The following RABL6 variants were observed in gnomAD, a reference collection of about 807,000 sequenced individuals.
RABL6 encodes rab-like protein 6.
Under a neutral mutation model 72.9 loss-of-function variants are expected in RABL6, and 28 were observed. The observed-to-expected ratio is 0.38, with a 90% CI of 0.28 to 0.53. The LOEUF (loss-of-function observed/expected upper bound fraction) is 0.53, where lower values mean the gene tolerates loss of function less well. Among genes scored for constraint, RABL6 ranks in the 20% least tolerant of loss-of-function variants. The pLI is 0.80. For synonymous variants in RABL6, 477 were observed against 421.2 expected, an observed-to-expected ratio of 1.13 and a Z score of -1.62; for missense variants, 1,029 against 1,008.4, an observed-to-expected ratio of 1.02 and a Z score of -0.28.
chr9:136,823,174 C>A (rs1022188893), intron 1 of RABL6, among the ~76,000 whole-genome samples: 3 of 151,770 alleles, frequency 2.0e-5, no homozygotes, highest in African/African-American at 7.3e-5. Flanking sequence ...GAGAGCTCCT[C>A]AGGTGGTGGG....
intron 14 of RABL6, 23 bp from the exon 15 acceptor site, chr9:136,840,299 C>G (rs772019523): frequency 1.2e-6 from 2 of 1,605,396 alleles, no homozygotes; most frequent in Non-Finnish European, 1.7e-6. Context: ...GACTCCATGG[C>G]GCCCCATCCT....
In RABL6 at chr9:136,839,203, C is replaced by G. The variant is rs766993694; in HGVS notation, c.1494-19C>G. On this transcript the variant is annotated intron_variant, in intron 11 of 14. Transcript: ENST00000311502. Reference sequence around the variant, plus strand: ...ACGCCTCCAGAGGACCCTGACTGACCCTCTGCTTGTCCACAAAGGTCCTCC... The same window carrying G: ...ACGCCTCCAGAGGACCCTGACTGACGCTCTGCTTGTCCACAAAGGTCCTCC... 14 of 1,595,004 alleles carry G rather than the reference C, an allele frequency of 8.8e-6. No homozygotes were observed. The highest frequency in any genetic ancestry group is 1.2e-5 in the Non-Finnish European group (14 of 1,169,964).
In RABL6 at chr9:136,841,029, G is replaced by A; in HGVS notation, c.*507G>A. 1 of 1,431,104 alleles carries A rather than the reference G, an allele frequency of 7.0e-7. No individual in the cohort carries two copies. The highest frequency in any genetic ancestry group is 9.2e-7 in the Non-Finnish European group (1 of 1,090,700). 88.7% of individuals were successfully genotyped at this position (1,431,104 alleles called of 1,614,324 possible). On this transcript the variant is annotated 3_prime_UTR_variant, in exon 15 of 15. Coordinates refer to ENST00000311502, the MANE Select transcript of RABL6 (RefSeq NM_024718.5). The stretch of plus-strand genomic sequence containing the variant: ...AGGCCCCACGCTAGAAGGCTGGCGA[G>A]ACCGAAGGCAGCATGTGAGGCCTCT...
At chr9:136,833,951 A>G in intron 7 of RABL6, 1 of 1,546,798 alleles carries the variant, frequency 6.5e-7, no homozygotes, top group South Asian at 1.2e-5. Context: ...CAGCTGCTCC[A>G]TTCCCTAATG....
chr9:136,819,505 T>G (rs1258710111), intron 1 of RABL6, among the ~76,000 whole-genome samples: 1 of 152,190 alleles, frequency 6.6e-6, no homozygotes, highest in Non-Finnish European at 1.5e-5. Flanking sequence ...GAATTTTTTT[T>G]TCTTTAATTT....
intron 1 of RABL6, chr9:136,821,702 C>T (rs1848241298): frequency 9.8e-7 from 1 of 1,017,460 alleles, no homozygotes; most frequent in Non-Finnish European, 1.2e-6. Flanking sequence ...CTGCGCTGAG[C>T]GCCTGCGGCT....
chr9:136,825,632 G>A (rs898511507), intron 2 of RABL6, 147 bp from the exon 3 acceptor site: 3 of 836,978 alleles, frequency 3.6e-6, no homozygotes, highest in African/African-American at 3.3e-5. Flanking sequence ...GTCGTCTGGG[G>A]AGGACACATC....
chr9:136,821,790 T>G (rs1198048994), intron 1 of RABL6: 2 of 1,172,190 alleles, frequency 1.7e-6, no homozygotes, highest in Non-Finnish European at 2.1e-6. Context: ...GTTCTCCAAG[T>G]TCTCCGCGGG....
chr9:136,818,890 A>G (rs999150017), intron 1 of RABL6, among the ~76,000 whole-genome samples: 5 of 152,218 alleles, frequency 3.3e-5, no homozygotes, highest in African/African-American at 1.2e-4. Flanking sequence ...AGATCTCTAT[A>G]TTATTATTAA....
chr9:136,823,764 C>T lies in RABL6; in HGVS notation c.265+105C>T. On this transcript the variant is annotated intron_variant, in intron 2 of 14. Coordinates refer to ENST00000311502, the MANE Select transcript of RABL6 (RefSeq NM_024718.5). ...CCAGAGGGGGTCTCCCCGAAGAGTT[C>T]TTGTCTGTGAGGGACCCTGCTGACG... 2.9e-6 allele frequency: 4 copies of T among 1,396,030 alleles called. No individual in the cohort carries two copies. The South Asian group carries it at 6.2e-5, about 21-fold the overall frequency. The allele number at this position is 1,396,030 out of a possible 1,614,324, so 86.5% of individuals were successfully genotyped here.
intron 1 of RABL6, among the ~76,000 whole-genome samples, chr9:136,820,569 C>G (rs898677594): frequency 2.6e-5 from 4 of 152,248 alleles, no homozygotes; most frequent in East Asian, 1.9e-4. Context: ...CGGGGTTTCT[C>G]CATGTTGTCC....
chr9:136,821,442 C>G (rs1848234684), intron 1 of RABL6: 2 of 985,188 alleles, frequency 2.0e-6, no homozygotes, highest in Non-Finnish European at 2.4e-6. Context: ...CCGCTCAGGC[C>G]GTGGACCTCG....
intron 1 of RABL6, among the ~76,000 whole-genome samples, chr9:136,819,957 C>T (rs1379112091): frequency 6.6e-6 from 1 of 152,104 alleles, no homozygotes; most frequent in African/African-American, 2.4e-5. Flanking sequence ...AATCCTAGCA[C>T]TTTAGGAGGC....
chr9:136,819,396 C>T (rs1167804827), intron 1 of RABL6, among the ~76,000 whole-genome samples: 1 of 151,212 alleles, frequency 6.6e-6, no homozygotes, highest in African/African-American at 2.4e-5. Flanking sequence ...GGGGGAGGGG[C>T]AAGGGAACCA....
intron 10 of RABL6, among the ~76,000 whole-genome samples, chr9:136,838,621 G>C (rs1488795647): frequency 1.3e-5 from 2 of 152,254 alleles, no homozygotes; most frequent in East Asian, 3.8e-4. Flanking sequence ...AAGCCCCGTG[G>C]CCCTGAGCTG....
chr9:136,817,138 A>T (rs1286082604), intron 1 of RABL6, among the ~76,000 whole-genome samples: 1 of 151,102 alleles, frequency 6.6e-6, no homozygotes, highest in African/African-American at 2.5e-5. Flanking sequence ...TAAATCAGTC[A>T]GCAGCAGGAG....
At chr9:136,813,973 A>C in intron 1 of RABL6, 1 of 388,336 alleles carries the variant, frequency 2.6e-6, no homozygotes, top group Non-Finnish European at 5.1e-6. Context: ...ATTTGTAGCC[A>C]AAAGTATTCT....
chr9:136,807,974 C>G lies in RABL6; in HGVS notation c.-223C>G, dbSNP rs1457068782. Reference sequence around the variant, plus strand: ...GATGGCGGCGCTGACTCCTGGAGAGCGGTCGCGCCGGAGGCCGCGGGGGCC... The same window carrying G: ...GATGGCGGCGCTGACTCCTGGAGAGGGGTCGCGCCGGAGGCCGCGGGGGCC... On this transcript the variant is annotated 5_prime_UTR_variant, in exon 1 of 15. Transcript: ENST00000311502. 4.0e-6 allele frequency: 4 copies of G among 1,003,768 alleles called. No homozygotes were observed. Among genetic ancestry groups the G allele is most frequent in the South Asian group, 9.3e-5 (2 of 21,518 alleles). The allele number at this position is 1,003,768 out of a possible 1,614,324, so 62.2% of individuals were successfully genotyped here. A position where few individuals can be genotyped will look rare whatever the true frequency, so the allele number is the denominator to read the frequency against.
At position 136,839,447 on chromosome 9, in the gene RABL6, C is replaced by T. The variant is rs537630641; in HGVS notation, c.1719C>T (p.Pro573=). The T allele has an allele frequency of 3.7e-5, 59 of 1,612,478 alleles. 2 individuals carry two copies. Among genetic ancestry groups the T allele is most frequent in the South Asian group, 3.5e-4 (32 of 91,036 alleles). The change falls in exon 12 of 15, where the codon CCC becomes CCT. Residue 573 remains proline, a synonymous_variant. Coordinates refer to ENST00000311502, the MANE Select transcript of RABL6 (RefSeq NM_024718.5). ...TGCTGTCCTTCGTCATGGATGACCC[C>T]GACTTTGAGAGCGAGGGATCAGACA... ...AQMLSFVMDD[P]DFESEGSDTQ...
Sources: gnomAD v4.1 joint callset for allele counts (sites outside exome capture counted in the v4.1 genomes callset) on GRCh38, gnomAD v4.1.1 for gene constraint, MANE v1.5 for transcripts, NCBI Gene and HGNC (gene_info 2026-07-23, HGNC 2026-07-21) for gene names.